Variants in TEX11 observed in about 807,000 individuals in gnomAD.
The protein encoded by TEX11 is testis expressed 11, also known as testis-expressed protein 11.
A neutral mutation model predicts 84.4 loss-of-function variants in TEX11; 7 were observed. The ratio of observed to expected loss-of-function variants is 0.08; its 90% CI spans 0.05 to 0.16. The LOEUF (loss-of-function observed/expected upper bound fraction) is 0.16. Ranked by LOEUF, TEX11 falls within the 10% of genes least tolerant of loss-of-function variation. The pLI is 1.00. For synonymous variants in TEX11, 264 were observed against 222.8 expected (o/e 1.18, Z -1.64); for missense variants, 551 against 660.5 (o/e 0.83, Z 1.82).
chrX:70,588,422 G>A (rs1356135344), intron 25 of TEX11, among the ~76,000 whole-genome samples: 1 of 111,185 alleles, frequency 9.0e-6, no homozygotes, highest in Non-Finnish European at 1.9e-5. Flanking sequence ...GAGATCTGAT[G>A]GTTTTATAAG....
At chrX:70,752,710 A>G (rs979440631) in intron 9 of TEX11, among the ~76,000 whole-genome samples, 1 of 109,649 alleles carries the variant, frequency 9.1e-6, no homozygotes, top group African/African-American at 3.3e-5. Flanking sequence ...CAATTTAACA[A>G]CTATCTACAC....
chrX:70,895,218 T>C (rs2091760433), intron 2 of TEX11, among the ~76,000 whole-genome samples: 1 of 111,240 alleles, frequency 9.0e-6, no homozygotes, highest in Admixed American at 9.7e-5. Context: ...AGCATTCCTA[T>C]ATACCAATAA....
intron 20 of TEX11, among the ~76,000 whole-genome samples, chrX:70,616,283 G>A (rs1392203623): frequency 8.9e-6 from 1 of 111,832 alleles, no homozygotes; most frequent in Non-Finnish European, 1.9e-5. Flanking sequence ...AAGTTAAAAA[G>A]TGAGGGGAAG....
intron 7 of TEX11, among the ~76,000 whole-genome samples, chrX:70,851,133 G>T (rs189567832): frequency 3.6e-5 from 4 of 111,520 alleles, no homozygotes; most frequent in Admixed American, 1.9e-4. Context: ...ACCCAGAAAA[G>T]TCCAAACACT....
chrX:70,855,879 A>T (rs1186432134), intron 5 of TEX11, among the ~76,000 whole-genome samples: 3 of 111,708 alleles, frequency 2.7e-5, no homozygotes, highest in Non-Finnish European at 5.6e-5. Flanking sequence ...AGAAGAAATC[A>T]AACTTGCTGA....
rs748293001 is a variant in TEX11 at position 70,733,848 on chromosome X, C to T, written c.843+6853G>A. On this transcript the variant is annotated intron_variant, in intron 11 of 29. Coordinates refer to ENST00000374333, the MANE Select transcript of TEX11 (RefSeq NM_031276.3). ...TAAATCATGCTGCTATAAAGACATA[C>T]GCACACGTATGTTTATTGCGGCACT... Among the ~76,000 whole-genome samples, 439 of 111,428 alleles carry T rather than the reference C, an allele frequency of 3.9e-3. 2 individuals are homozygous for T. The highest frequency in any genetic ancestry group is 0.01 in the African/African-American group (311 of 30,640).
At chrX:70,903,726 A>G (rs138252944) in intron 2 of TEX11, among the ~76,000 whole-genome samples, 2,342 of 110,420 alleles carry the variant, frequency 0.021, 99 homozygotes, top group African/African-American at 0.073. Context: ...TCCGGGGTAC[A>G]AGATAAGTTA....
intron 11 of TEX11, 110 bp from the exon 12 acceptor site, chrX:70,725,453 G>T: frequency 2.4e-6 from 1 of 425,110 alleles, no homozygotes; most frequent in Non-Finnish European, 4.0e-6. Context: ...CATAATCAAA[G>T]GAAATCGAAA....
chrX:70,654,932 G>C (rs766410576), intron 16 of TEX11, among the ~76,000 whole-genome samples: 4 of 109,495 alleles, frequency 3.7e-5, no homozygotes, highest in Non-Finnish European at 7.6e-5. Flanking sequence ...AAAGGGATTA[G>C]AGAAGATCTA....
chrX:70,578,570 T>C (rs935449149), intron 25 of TEX11, among the ~76,000 whole-genome samples: 4 of 111,311 alleles, frequency 3.6e-5, no homozygotes, highest in African/African-American at 1.3e-4. Flanking sequence ...TCTATGTCTA[T>C]GTGTCTACAA....
chrX:70,788,590 G>A (rs143465707), intron 9 of TEX11, among the ~76,000 whole-genome samples: 4 of 107,949 alleles, frequency 3.7e-5, no homozygotes, highest in African/African-American at 1.3e-4. Context: ...TTTTAACAGG[G>A]TCAGCATTAC....
intron 16 of TEX11, among the ~76,000 whole-genome samples, chrX:70,659,712 C>CA (rs757825118): frequency 9.0e-6 from 1 of 111,551 alleles, no homozygotes; most frequent in Non-Finnish European, 1.9e-5. Context: ...GGTAAATACT[C>CA]AAAAAAACTG....
intron 9 of TEX11, among the ~76,000 whole-genome samples, chrX:70,750,927 AAAAAAAATATATATATATATATATAT>A (rs1290505732): frequency 0.11 from 2,771 of 25,777 alleles, 179 homozygotes; most frequent in African/African-American, 0.25. Flanking sequence ...ATAATAAAAA[AAAAAAAATATATATATATATATATAT>A]ATATATATAT....
At chrX:70,807,609 C>T (rs961294267) in intron 8 of TEX11, among the ~76,000 whole-genome samples, 2 of 111,310 alleles carry the variant, frequency 1.8e-5, no homozygotes, top group African/African-American at 6.5e-5. Flanking sequence ...TATAAAAAGT[C>T]TTTTATAAGT....
rs1389544036 is a variant in TEX11, at chrX:70,644,429, C to G, written c.1483+7021G>C. 5.2e-3 allele frequency among the ~76,000 whole-genome samples: 548 copies of G among 104,683 alleles called. 5 individuals are homozygous for G. Among genetic ancestry groups the G allele is most frequent in the African/African-American group, 0.017 (503 of 28,821 alleles). 90.9% of individuals were successfully genotyped at this position (104,683 alleles called of 115,157 possible). The stretch of plus-strand genomic sequence containing the variant: ...CAGCCATCCCATTACTGGGTATATA[C>G]CCAAAGGACTATAAATCATGCTGCT... On this transcript the variant is annotated intron_variant, in intron 17 of 29. Coordinates refer to ENST00000374333, the MANE Select transcript of TEX11 (RefSeq NM_031276.3).
chrX:70,575,867 C>T (rs1450777583), intron 25 of TEX11, among the ~76,000 whole-genome samples: 3 of 111,612 alleles, frequency 2.7e-5, no homozygotes, highest in Non-Finnish European at 5.6e-5. Context: ...AGAGTAAGTT[C>T]AAATATCACC....
At chrX:70,859,178 C>G (rs1305248127) in intron 5 of TEX11, among the ~76,000 whole-genome samples, 3 of 110,864 alleles carry the variant, frequency 2.7e-5, no homozygotes, top group African/African-American at 9.8e-5. Flanking sequence ...ATTGTACTGT[C>G]TTACCTTTTT....
At chrX:70,712,123 G>A (rs1234799354) in intron 13 of TEX11, among the ~76,000 whole-genome samples, 1 of 111,051 alleles carries the variant, frequency 9.0e-6, no homozygotes, top group Non-Finnish European at 1.9e-5. Context: ...TATTTCTGAG[G>A]GCTCTGTTCT....
At chrX:70,797,890 T>C (rs1269657359) in intron 9 of TEX11, among the ~76,000 whole-genome samples, 1 of 93,394 alleles carries the variant, frequency 1.1e-5, no homozygotes, top group Non-Finnish European at 2.1e-5. Context: ...AAGTCCACAG[T>C]TAACATCATA....
Sources: gnomAD v4.1 joint callset for allele counts (sites outside exome capture counted in the v4.1 genomes callset) on GRCh38, gnomAD v4.1.1 for gene constraint, MANE v1.5 for transcripts, NCBI Gene and HGNC (gene_info 2026-07-23, HGNC 2026-07-21) for gene names.